Variants in DKK2 observed in about 807,000 individuals in gnomAD.
DKK2 encodes dickkopf-related protein 2.
A neutral mutation model predicts 28.1 loss-of-function variants in DKK2; 11 were observed. The ratio of observed to expected loss-of-function variants is 0.39; its 90% CI spans 0.25 to 0.65. The LOEUF is 0.65. Ranked by LOEUF, DKK2 falls within the 30% of genes least tolerant of loss-of-function variation. The pLI, the probability that DKK2 is intolerant of heterozygous loss-of-function variation, is 0.47. For synonymous variants in DKK2, 135 were observed against 126.5 expected (o/e 1.07, Z -0.45); for missense variants, 326 against 335.5 (o/e 0.97, Z 0.22).
At chr4:106,967,469 G>C (rs1309355897) in intron 1 of DKK2, among the ~76,000 whole-genome samples, 1 of 152,124 alleles carries the variant, frequency 6.6e-6, no homozygotes, top group Non-Finnish European at 1.5e-5. Context: ...GAAAGCCTGG[G>C]GAAAAAGAAG....
At chr4:106,989,155 G>A (rs1452342281) in intron 1 of DKK2, among the ~76,000 whole-genome samples, 1 of 152,166 alleles carries the variant, frequency 6.6e-6, no homozygotes, top group Non-Finnish European at 1.5e-5. Context: ...AATGTGGTCT[G>A]AGGAAGAAGC....
intron 1 of DKK2, among the ~76,000 whole-genome samples, chr4:107,021,783 C>T (rs1421361062): frequency 6.6e-6 from 1 of 151,992 alleles, no homozygotes; most frequent in Admixed American, 6.6e-5. Context: ...ATTTCTCCTA[C>T]AATATTTGGG....
chr4:106,968,708 C>A (rs1424400824), intron 1 of DKK2, among the ~76,000 whole-genome samples: 1 of 152,118 alleles, frequency 6.6e-6, no homozygotes, highest in African/African-American at 2.4e-5. Context: ...ATTGAGTCTT[C>A]ATTTTCCATA....
chr4:106,941,247 A>T (rs930118158), intron 1 of DKK2, among the ~76,000 whole-genome samples: 1 of 151,952 alleles, frequency 6.6e-6, no homozygotes, highest in African/African-American at 2.4e-5. Flanking sequence ...AAGTCTGTTT[A>T]TTTTTCTGGA....
chr4:106,924,405 A>C, intron 3 of DKK2, 140 bp downstream of exon 3: 2 of 1,281,354 alleles, frequency 1.6e-6, no homozygotes, highest in South Asian at 3.1e-5. Flanking sequence ...ATTATTTGCC[A>C]CCTAAATAAC....
intron 1 of DKK2, among the ~76,000 whole-genome samples, chr4:107,002,185 T>A (rs1028068099): frequency 2.6e-5 from 4 of 152,364 alleles, no homozygotes; most frequent in African/African-American, 9.6e-5. Flanking sequence ...CTAAATTACA[T>A]CGTTCTGAAC....
Position 106,947,663 on chromosome 4 carries a change from TTTTC to T in DKK2, c.223-21718_223-21715del, listed in dbSNP as rs1298043426. ...TTTAAAAAAATTGATTAATTATCTTTTTTCTTTCTTTCTTTTTTTTTTTTTTTTA... is the reference window on the plus strand; with the variant it reads ...TTTAAAAAAATTGATTAATTATCTTTTTTCTTTCTTTTTTTTTTTTTTTTA... On this transcript the variant is annotated intron_variant, in intron 1 of 3. Transcript: ENST00000285311. 1.6e-3 allele frequency among the ~76,000 whole-genome samples: 241 copies of T among 151,936 alleles called. 1 individual carries two copies. Among genetic ancestry groups the T allele is most frequent in the African/African-American group, 5.4e-3 (225 of 41,486 alleles).
intron 1 of DKK2, among the ~76,000 whole-genome samples, chr4:106,961,600 G>C (rs1722686570): frequency 1.5e-5 from 2 of 129,196 alleles, no homozygotes; most frequent in Non-Finnish European, 1.8e-5. Context: ...CACACACACA[G>C]TCTGGTAAAA....
intron 1 of DKK2, among the ~76,000 whole-genome samples, chr4:106,927,778 A>G (rs1192347925): frequency 6.6e-6 from 1 of 152,138 alleles, no homozygotes; most frequent in African/African-American, 2.4e-5. Context: ...TACAATTCAC[A>G]TGTTTCTGAT....
intron 1 of DKK2, among the ~76,000 whole-genome samples, chr4:106,969,397 A>G (rs1039755265): frequency 1.3e-5 from 2 of 151,596 alleles, no homozygotes; most frequent in African/African-American, 4.9e-5. Flanking sequence ...CTCTCTGTTG[A>G]TCTATCACTT....
chr4:106,957,360 C>G (rs1722610453), intron 1 of DKK2, among the ~76,000 whole-genome samples: 1 of 151,856 alleles, frequency 6.6e-6, no homozygotes, highest in Non-Finnish European at 1.5e-5. Context: ...CCTCAGGGAT[C>G]TAGAACTAGA....
chr4:106,928,174 A>G (rs1724450165), intron 1 of DKK2, among the ~76,000 whole-genome samples: 2 of 152,206 alleles, frequency 1.3e-5, no homozygotes. Flanking sequence ...ATGACATTAA[A>G]AAAATGGGGT....
intron 1 of DKK2, among the ~76,000 whole-genome samples, chr4:106,964,459 G>A (rs571797640): frequency 2.0e-5 from 3 of 152,024 alleles, no homozygotes; most frequent in Non-Finnish European, 4.4e-5. Flanking sequence ...AATAAAGTGG[G>A]TATAGTTAAC....
At chr4:107,006,012 A>G (rs1443574801) in intron 1 of DKK2, among the ~76,000 whole-genome samples, 1 of 152,204 alleles carries the variant, frequency 6.6e-6, no homozygotes, top group African/African-American at 2.4e-5. Flanking sequence ...ATTAAAGGCA[A>G]AGAGACTTAA....
chr4:107,014,797 C>A (rs1328364537), intron 1 of DKK2, among the ~76,000 whole-genome samples: 3 of 151,018 alleles, frequency 2.0e-5, no homozygotes, highest in Non-Finnish European at 4.5e-5. Context: ...CAATTATAAA[C>A]AAAATTAAAA....
intron 1 of DKK2, among the ~76,000 whole-genome samples, chr4:106,973,658 C>A (rs1333085409): frequency 6.6e-6 from 1 of 152,066 alleles, no homozygotes; most frequent in African/African-American, 2.4e-5. Flanking sequence ...AGAGAGATTG[C>A]AAAAATTTTC....
chr4:106,926,675 C>A (rs1201946775), intron 1 of DKK2, among the ~76,000 whole-genome samples: 1 of 152,118 alleles, frequency 6.6e-6, no homozygotes, highest in Non-Finnish European at 1.5e-5. Flanking sequence ...GCCCCACAGG[C>A]TACTACGCCT....
Position 106,924,624 on chromosome 4 carries a change from T to C in DKK2, c.450A>G (p.Arg150=), listed in dbSNP as rs1483036966. The change falls in exon 3 of 4, where the codon CGA becomes CGG. Residue 150 remains arginine, a synonymous_variant. Transcript: ENST00000285311. ...PALDGTRHRD[R]NHGHYSNHDL... ...CATGGTTTGAGTAATGACCGTGGTT[T>C]CGATCTCTGTGCCGAGTACCATCCA... 6.2e-7 allele frequency: 1 copy of C among 1,613,998 alleles called. No homozygotes were observed.
chr4:106,986,214 G>A (rs377634128), intron 1 of DKK2, among the ~76,000 whole-genome samples: 36 of 152,318 alleles, frequency 2.4e-4, no homozygotes, highest in South Asian at 8.3e-4. Flanking sequence ...CACTGTCAGC[G>A]CACTAGGAGT....
Sources: allele counts gnomAD v4.1 joint callset (sites outside exome capture counted in the v4.1 genomes callset), GRCh38; gene constraint gnomAD v4.1.1; transcripts MANE v1.5; gene names NCBI Gene and HGNC (gene_info 2026-07-23, HGNC 2026-07-21).